PTPRK: variants seen among roughly 807,000 people sequenced by gnomAD.
PTPRK encodes the protein protein tyrosine phosphatase receptor type K.
A neutral mutation model predicts 178.0 loss-of-function variants in PTPRK; 75 were observed. The observed-to-expected ratio is 0.42, with a 90% CI of 0.35 to 0.51. The LOEUF (loss-of-function observed/expected upper bound fraction) is 0.51, where lower values mean the gene tolerates loss of function less well. Ranked by LOEUF, PTPRK falls within the 20% of genes least tolerant of loss-of-function variation. PTPRK has a pLI of 0.02. For synonymous variants in PTPRK, 637 were observed against 620.6 expected (o/e 1.03, Z -0.39); for missense variants, 1,441 against 1,797.8 (o/e 0.80, Z 3.59).
chr6:128,042,163 GCCT>G (rs928594416), intron 13 of PTPRK, among the ~76,000 whole-genome samples: 1 of 151,978 alleles, frequency 6.6e-6, no homozygotes, highest in Non-Finnish European at 1.5e-5. Context: ...CGTATCATAT[GCCT>G]CAAAATTCTT....
intron 13 of PTPRK, among the ~76,000 whole-genome samples, chr6:128,057,706 C>T (rs918648079): frequency 2.6e-5 from 4 of 152,148 alleles, no homozygotes; most frequent in African/African-American, 9.7e-5. Flanking sequence ...TGCTTTGTAT[C>T]CTTTCACTGT....
chr6:128,454,964 A>T (rs1848220552), intron 1 of PTPRK, among the ~76,000 whole-genome samples: 1 of 152,142 alleles, frequency 6.6e-6, no homozygotes, highest in African/African-American at 2.4e-5. Flanking sequence ...TGGGGATTAA[A>T]TGTAGGGCTG....
At chr6:128,290,483 C>T (rs962024709) in intron 3 of PTPRK, among the ~76,000 whole-genome samples, 6 of 152,010 alleles carry the variant, frequency 3.9e-5, no homozygotes, top group Non-Finnish European at 8.8e-5. Context: ...GGTCTTTCCC[C>T]AGTCCTACCG....
intron 7 of PTPRK, among the ~76,000 whole-genome samples, chr6:128,111,004 T>C (rs1027043169): frequency 3.3e-5 from 5 of 152,186 alleles, no homozygotes; most frequent in African/African-American, 1.2e-4. Context: ...ATGGTGAGGA[T>C]CGGCAGTTCA....
At chr6:128,188,070 T>A (rs1198785434) in intron 6 of PTPRK, among the ~76,000 whole-genome samples, 1 of 151,968 alleles carries the variant, frequency 6.6e-6, no homozygotes, top group East Asian at 1.9e-4. Flanking sequence ...GACCCAGAAG[T>A]GAGGTGCGAA....
chr6:128,220,015 C>T lies in PTPRK; in HGVS notation c.694-919G>A, dbSNP rs747307731. ...GCCTAAACTTTGAAAGCATACCTGT[C>T]AAATTTCAAAATGAAATACTGGAAG... is the stretch of plus-strand genomic sequence containing the variant. On this transcript the variant is annotated intron_variant, in intron 5 of 29. Transcript: ENST00000368226. Among the ~76,000 whole-genome samples the T allele has an allele frequency of 1.2e-4, 19 of 152,130 alleles. 1 individual carries two copies. The highest frequency in any genetic ancestry group is 6.5e-4 in the Admixed American group (10 of 15,286).
At chr6:128,287,313 G>C (rs1174183696) in intron 3 of PTPRK, among the ~76,000 whole-genome samples, 9 of 152,142 alleles carry the variant, frequency 5.9e-5, no homozygotes, top group Non-Finnish European at 1.3e-4. Context: ...GACCATGTCC[G>C]AAAACTCTTG....
At chr6:128,042,232 A>G (rs1246697505) in intron 13 of PTPRK, among the ~76,000 whole-genome samples, 1 of 152,064 alleles carries the variant, frequency 6.6e-6, no homozygotes, top group African/African-American at 2.4e-5. Flanking sequence ...TTAGATATCA[A>G]TTACAGTAAG....
chr6:128,016,108 C>T (rs1208051508), intron 13 of PTPRK, among the ~76,000 whole-genome samples: 1 of 151,504 alleles, frequency 6.6e-6, no homozygotes, highest in Admixed American at 6.6e-5. Flanking sequence ...GGGATGAAAA[C>T]CATCCTTTCA....
chr6:128,017,802 G>GTA (rs34836605), intron 13 of PTPRK, among the ~76,000 whole-genome samples: 2,970 of 101,132 alleles, frequency 0.029, 64 homozygotes, highest in East Asian at 0.095. Context: ...ATATATATGT[G>GTA]TATATATATA....
intron 3 of PTPRK, among the ~76,000 whole-genome samples, chr6:128,255,153 GC>G (rs1454111710): frequency 6.6e-6 from 1 of 152,116 alleles, no homozygotes; most frequent in Non-Finnish European, 1.5e-5. Context: ...ACCATGCCCA[GC>G]CAATTTTTGT....
chr6:127,983,306 A>T lies in PTPRK; in HGVS notation c.3323T>A (p.Val1108Asp), dbSNP rs1300037774. Residue 1108 changes from valine to aspartate, a missense_variant, in exon 23 of 30, where the codon GTT becomes GAT. By Grantham distance (152) the Val-to-Asp change is radical (BLOSUM62 -3). Coordinates refer to ENST00000368226, the MANE Select transcript of PTPRK (RefSeq NM_002844.4). ...IMLDMAEREG[V>D]VDIYNCVKAL... Reference sequence around the variant, plus strand: ...TTTGACACAATTGTAAATATCAACAACACCCTCTCTTTCAGCCATGTCTAG... The same window carrying T: ...TTTGACACAATTGTAAATATCAACATCACCCTCTCTTTCAGCCATGTCTAG... 1 of 1,613,628 alleles carries T rather than the reference A, an allele frequency of 6.2e-7. No individual in the cohort carries two copies. Among genetic ancestry groups the T allele is most frequent in the Non-Finnish European group, 8.5e-7 (1 of 1,179,604 alleles).
At chr6:128,495,743 G>A (rs10485163) in intron 1 of PTPRK, among the ~76,000 whole-genome samples, 4,724 of 152,154 alleles carry the variant, frequency 0.031, 161 homozygotes, top group African/African-American at 0.083. Flanking sequence ...CCTTTAAGTC[G>A]TCATCGTTAG....
intron 1 of PTPRK, among the ~76,000 whole-genome samples, chr6:128,422,747 A>G (rs1416199493): frequency 6.6e-6 from 1 of 151,548 alleles, no homozygotes; most frequent in Non-Finnish European, 1.5e-5. Flanking sequence ...AAAAAGAAGA[A>G]GAGGTTGAAA....
intron 1 of PTPRK, among the ~76,000 whole-genome samples, chr6:128,402,487 C>A (rs1195722519): frequency 6.6e-6 from 1 of 152,104 alleles, no homozygotes; most frequent in African/African-American, 2.4e-5. Context: ...CTCTTGACCT[C>A]GTGATCCACC....
intron 13 of PTPRK, among the ~76,000 whole-genome samples, chr6:128,019,207 C>T (rs376368250): frequency 6.6e-6 from 1 of 152,138 alleles, no homozygotes; most frequent in African/African-American, 2.4e-5. Flanking sequence ...TTTAATAGTT[C>T]TAGTATTAAC....
At chr6:128,081,718 T>C (rs1433245178) in intron 10 of PTPRK, among the ~76,000 whole-genome samples, 1 of 151,992 alleles carries the variant, frequency 6.6e-6, no homozygotes, top group Non-Finnish European at 1.5e-5. Context: ...ATTTTAGTAA[T>C]CTTAAATAAG....
chr6:128,278,404 C>A (rs1281361933), intron 3 of PTPRK, among the ~76,000 whole-genome samples: 1 of 152,124 alleles, frequency 6.6e-6, no homozygotes, highest in Non-Finnish European at 1.5e-5. Context: ...GATCTGCCCA[C>A]CTTGGCCTCC....
At chr6:128,075,507 C>T (rs1419700287) in intron 11 of PTPRK, among the ~76,000 whole-genome samples, 5 of 152,014 alleles carry the variant, frequency 3.3e-5, no homozygotes, top group African/African-American at 1.2e-4. Flanking sequence ...CCTCTCCTCA[C>T]AAATTCAGCT....
Sources: allele counts gnomAD v4.1 joint callset (sites outside exome capture counted in the v4.1 genomes callset), GRCh38; gene constraint gnomAD v4.1.1; transcripts MANE v1.5; gene names NCBI Gene and HGNC (gene_info 2026-07-23, HGNC 2026-07-21).